Variants in BNC2 observed in about 807,000 individuals in gnomAD.
BNC2 encodes the protein zinc finger protein basonuclin-2.
A neutral mutation model predicts 76.3 loss-of-function variants in BNC2; 20 were observed. That is an observed-to-expected ratio of 0.26 (90% confidence interval 0.18 to 0.38). The LOEUF (loss-of-function observed/expected upper bound fraction) is 0.38. Ranked by LOEUF, BNC2 falls within the 10% of genes least tolerant of loss-of-function variation. The pLI is 1.00. For missense variants in BNC2, 1,382 were observed against 1,399.8 expected, an observed-to-expected ratio of 0.99 and a Z score of 0.20; for synonymous variants, 582 against 514.8, an observed-to-expected ratio of 1.13 and a Z score of -1.77.
At chr9:16,862,466 C>A (rs866758813) in intron 1 of BNC2, among the ~76,000 whole-genome samples, 1 of 152,240 alleles carries the variant, frequency 6.6e-6, no homozygotes, top group African/African-American at 2.4e-5. Context: ...TGAGAGAACA[C>A]AGGCTATCAA....
At chr9:16,441,051 C>T (rs750682854) in intron 5 of BNC2, among the ~76,000 whole-genome samples, 2 of 151,990 alleles carry the variant, frequency 1.3e-5, no homozygotes, top group Non-Finnish European at 2.9e-5. Flanking sequence ...ATTGGCTGCG[C>T]GTTGTGGCTC....
At chr9:16,609,039 A>G (rs1228657177) in intron 3 of BNC2, among the ~76,000 whole-genome samples, 1 of 152,184 alleles carries the variant, frequency 6.6e-6, no homozygotes, top group Non-Finnish European at 1.5e-5. Flanking sequence ...CACCTAGAAC[A>G]CAGCCTTGTG....
chr9:16,601,871 GGTAATATCTCTAAA>G (rs1294903961), intron 3 of BNC2, among the ~76,000 whole-genome samples: 3 of 152,040 alleles, frequency 2.0e-5, no homozygotes, highest in Non-Finnish European at 4.4e-5. Context: ...CCAGGAGTCT[GGTAATATCTCTAAA>G]GTTTAAAAGA....
intron 1 of BNC2, among the ~76,000 whole-genome samples, chr9:16,856,683 A>C (rs1234762904): frequency 1.3e-5 from 2 of 152,216 alleles, no homozygotes; most frequent in Non-Finnish European, 2.9e-5. Flanking sequence ...AGTATCCTTT[A>C]GCGTTAATGC....
At chr9:16,844,294 C>T (rs959079026) in intron 1 of BNC2, among the ~76,000 whole-genome samples, 2 of 151,878 alleles carry the variant, frequency 1.3e-5, no homozygotes, top group African/African-American at 2.4e-5. Flanking sequence ...CGACTAAATA[C>T]TATTAATATA....
chr9:16,456,947 T>C (rs1563792223), intron 5 of BNC2, among the ~76,000 whole-genome samples: 1 of 152,200 alleles, frequency 6.6e-6, no homozygotes, highest in Non-Finnish European at 1.5e-5. Context: ...TTCTAGTTAG[T>C]ACTGGTTTCT....
intron 2 of BNC2, among the ~76,000 whole-genome samples, chr9:16,730,267 A>G (rs1824468242): frequency 6.6e-6 from 1 of 152,228 alleles, no homozygotes; most frequent in Non-Finnish European, 1.5e-5. Context: ...CAACGGATCA[A>G]TTACCAGACA....
chr9:16,485,885 A>G (rs1210295448), intron 5 of BNC2, among the ~76,000 whole-genome samples: 1 of 152,166 alleles, frequency 6.6e-6, no homozygotes, highest in African/African-American at 2.4e-5. Flanking sequence ...TGTACCCCCA[A>G]GGGTACAAAT....
intron 3 of BNC2, among the ~76,000 whole-genome samples, chr9:16,595,704 TTC>T (rs764180135): frequency 2.6e-5 from 4 of 152,124 alleles, no homozygotes; most frequent in Non-Finnish European, 4.4e-5. Flanking sequence ...AAAAAAATTA[TTC>T]TCTTTTTTCT....
Position 16,436,764 on chromosome 9 carries a change from T to C in BNC2, c.1430A>G (p.Asn477Ser). 3 of 1,614,182 alleles carry C rather than the reference T, an allele frequency of 1.9e-6. No individual in the cohort carries two copies. Among genetic ancestry groups the C allele is most frequent in the Non-Finnish European group, 2.5e-6 (3 of 1,180,034 alleles). Residue 477 changes from asparagine (N) to serine (S), a missense_variant, in exon 6 of 7, where the codon AAC (asparagine) becomes AGC (serine). Around this residue, in one of 3 missense-constraint regions of BNC2, gnomAD observed 27 missense variants for 83.4 expected, o/e 0.32. Transcript: ENST00000380672. ...IKHRCTIEGCNMVFSSLRSRN... is the reference protein window; with the variant it reads ...IKHRCTIEGCSMVFSSLRSRN... ...ACTTCGGAGGGAGCTAAAGACCATG[T>C]TGCAACCTTCAATGGTGCATCGATG...
chr9:16,439,378 T>C (rs1821081986), intron 5 of BNC2, among the ~76,000 whole-genome samples: 1 of 152,180 alleles, frequency 6.6e-6, no homozygotes, highest in Non-Finnish European at 1.5e-5. Flanking sequence ...TTATAAAAAA[T>C]GAAGAATGGT....
intron 5 of BNC2, among the ~76,000 whole-genome samples, chr9:16,495,255 G>A (rs989558794): frequency 2.0e-5 from 3 of 152,150 alleles, no homozygotes; most frequent in East Asian, 1.9e-4. Flanking sequence ...ACATGAGAGA[G>A]GGTAGCAGGA....
At chr9:16,706,480 C>T (rs908881071) in intron 3 of BNC2, among the ~76,000 whole-genome samples, 1 of 152,140 alleles carries the variant, frequency 6.6e-6, no homozygotes, top group Non-Finnish European at 1.5e-5. Flanking sequence ...GAGGCCATGT[C>T]CCCTTTCAGT....
chr9:16,521,838 G>A (rs1296360158), intron 5 of BNC2, among the ~76,000 whole-genome samples: 1 of 152,138 alleles, frequency 6.6e-6, no homozygotes, highest in Non-Finnish European at 1.5e-5. Context: ...AAATCCATGG[G>A]ATAGCTGCAA....
intron 3 of BNC2, among the ~76,000 whole-genome samples, chr9:16,629,711 G>A (rs1821105110): frequency 6.6e-6 from 1 of 152,178 alleles, no homozygotes; most frequent in Non-Finnish European, 1.5e-5. Context: ...ATTCGATGCT[G>A]TAGTCTATTA....
At chr9:16,446,876 G>A (rs1040214488) in intron 5 of BNC2, among the ~76,000 whole-genome samples, 6 of 151,966 alleles carry the variant, frequency 3.9e-5, no homozygotes, top group Non-Finnish European at 5.9e-5. Context: ...CTTGTACTGA[G>A]GAATTTTAGC....
At position 16,437,191 on chromosome 9, in the gene BNC2, G is replaced by A. The variant is rs1485218865; in HGVS notation, c.1003C>T (p.Leu335=). The A allele has an allele frequency of 6.2e-7, 1 of 1,614,202 alleles. No homozygotes were observed. Among genetic ancestry groups the A allele is most frequent in the South Asian group, 1.1e-5 (1 of 91,086 alleles). The change falls in exon 6 of 7, where the codon CTG becomes TTG. Residue 335 remains leucine (L), a synonymous_variant. Transcript: ENST00000380672. The stretch of plus-strand genomic sequence containing the variant: ...AGCCCATTTGGAGGCAACCCTAGCA[G>A]TGGTGCTGAGACAGGGTTTATGTAC... ...FQYINPVSAP[L]LGLPPNGLLL...
Position 16,644,727 on chromosome 9 carries a change from A to T in BNC2, c.331-61642T>A, listed in dbSNP as rs1821578110. On this transcript the variant is annotated intron_variant, in intron 3 of 6. Transcript: ENST00000380672. ...AGAGAGAAACAGAAAGACAGTAAATAAGTAGCACATATCAAACATTGCACA... is the reference window on the plus strand; with the variant it reads ...AGAGAGAAACAGAAAGACAGTAAATTAGTAGCACATATCAAACATTGCACA... Among the ~76,000 whole-genome samples, 4 of 152,226 alleles carry T rather than the reference A, an allele frequency of 2.6e-5. No individual in the cohort carries two copies. In the South Asian group the frequency reaches 8.3e-4, roughly 31 times the overall value.
At chr9:16,589,175 C>CTA (rs1819853123) in intron 3 of BNC2, among the ~76,000 whole-genome samples, 1 of 151,802 alleles carries the variant, frequency 6.6e-6, no homozygotes, top group African/African-American at 2.4e-5. Flanking sequence ...CCATACATAA[C>CTA]TAAAAAAAAA....
Sources: allele counts gnomAD v4.1 joint callset (sites outside exome capture counted in the v4.1 genomes callset), GRCh38; gene constraint gnomAD v4.1.1; regional missense constraint gnomAD v4.1.1; transcripts MANE v1.5; gene names NCBI Gene and HGNC (gene_info 2026-07-23, HGNC 2026-07-21).